Variants in COL4A2 observed in about 807,000 individuals in gnomAD.
COL4A2 encodes the protein collagen alpha-2(IV) chain.
In COL4A2, 99 loss-of-function variants were observed where a neutral mutation model predicts 200.2. The ratio of observed to expected loss-of-function variants is 0.49; its 90% CI spans 0.42 to 0.58. COL4A2 has a LOEUF of 0.58. Ranked by LOEUF, COL4A2 falls within the 20% of genes least tolerant of loss-of-function variation. The probability of loss-of-function intolerance (pLI) is 0.00; values close to 1 mark genes in which losing one functional copy is unlikely to be tolerated. For synonymous variants in COL4A2, 897 were observed against 900.6 expected (o/e 1.00, Z 0.07); for missense variants, 1,950 against 2,314.1 (o/e 0.84, Z 3.23).
intron 16 of COL4A2, among the ~76,000 whole-genome samples, chr13:110,444,796 A>G (rs1366795699): frequency 1.3e-5 from 2 of 152,252 alleles, no homozygotes; most frequent in Non-Finnish European, 2.9e-5. Flanking sequence ...ACTCAATGAT[A>G]AACTTTTTCT....
chr13:110,355,250 T>C (rs535551567), intron 3 of COL4A2, among the ~76,000 whole-genome samples: 6 of 149,290 alleles, frequency 4.0e-5, no homozygotes, highest in Admixed American at 2.6e-4. Context: ...GGTGAAAAGC[T>C]AGATTAAGAT....
In COL4A2 at chr13:110,439,577, CT is replaced by C. The variant is rs149395967; in HGVS notation, c.913-211del. ...CATAGTCATTATTTCCCATCCCCAC[CT>C]CCCCACAACTTTGTAAAGGGGAAAG... On this transcript the variant is annotated intron_variant, in intron 15 of 47. Coordinates refer to ENST00000360467, the MANE Select transcript of COL4A2 (RefSeq NM_001846.4). Among the ~76,000 whole-genome samples the C allele has an allele frequency of 7.1e-3, 1,076 of 152,302 alleles. 8 individuals are homozygous for C. Among genetic ancestry groups the C allele is most frequent in the African/African-American group, 0.022 (923 of 41,548 alleles).
In COL4A2 at chr13:110,498,578, A is replaced by G. The variant is rs550847242; in HGVS notation, c.3761-3090A>G. On this transcript the variant is annotated intron_variant, in intron 40 of 47. Coordinates refer to ENST00000360467, the MANE Select transcript of COL4A2 (RefSeq NM_001846.4). ...TTCAGGCCCTGTACTTGACCACAAA[A>G]AAGATTTAAGATTTCCATCCCCAAG... is the stretch of plus-strand genomic sequence containing the variant. Among the ~76,000 whole-genome samples the G allele has an allele frequency of 3.2e-4, 48 of 152,344 alleles. 1 individual carries two copies. The South Asian group carries it at 9.5e-3, about 30-fold the overall frequency.
intron 28 of COL4A2, 40 bp from the exon 29 acceptor site, chr13:110,472,889 G>C: frequency 6.5e-7 from 1 of 1,532,384 alleles, no homozygotes; most frequent in Non-Finnish European, 8.8e-7. Flanking sequence ...ACGTCACCAT[G>C]CTAACTTGTG....
intron 46 of COL4A2, 135 bp from the exon 47 acceptor site, chr13:110,507,800 C>A: frequency 1.2e-6 from 1 of 841,416 alleles, no homozygotes; most frequent in Non-Finnish European, 1.9e-6. Flanking sequence ...TAGCCTGGCC[C>A]TCCAGTAGGT....
At position 110,504,262 on chromosome 13, in the gene COL4A2, A is replaced by C. The variant is rs202207552; in HGVS notation, c.4400A>C (p.Glu1467Ala). The change falls in exon 45 of 48, where the codon GAA becomes GCA. Residue 1467 changes from glutamate to alanine, a missense_variant and splice_region_variant. Physicochemically the swap from Glu to Ala is moderately radical, Grantham distance 107. Around this residue, in one of 2 missense-constraint regions of COL4A2, gnomAD observed 1,385 missense variants for 1,720.5 expected, o/e 0.80. Transcript: ENST00000360467. ...GGCCACCAGGGGCCGATTGGCCAAG[A>C]AGGTGAGTGACAGTGGGGAAGGACC... ...PIGHQGPIGQ[E>A]GAPGRPGSPG... is the part of the protein sequence containing the mutation. The C allele has an allele frequency of 2.9e-4, 469 of 1,612,202 alleles. 2 individuals carry two copies. In the African/African-American group the frequency reaches 5.4e-3, roughly 19 times the overall value.
At chr13:110,352,884 C>T (rs762355397) in intron 3 of COL4A2, among the ~76,000 whole-genome samples, 19 of 152,140 alleles carry the variant, frequency 1.2e-4, no homozygotes, top group Non-Finnish European at 1.8e-4. Flanking sequence ...TTTGGCCAGC[C>T]GGGCTGAACG....
Position 110,458,722 on chromosome 13 carries a change from C to T in COL4A2, c.1433-49C>T, listed in dbSNP as rs548237875. ...CTGCCTGATACCCCTCTCCCCGCCA[C>T]GCTAAGAGGAATGCGGAACAAGGAG... On this transcript the variant is annotated intron_variant, in intron 21 of 47. Coordinates refer to ENST00000360467, the MANE Select transcript of COL4A2 (RefSeq NM_001846.4). The T allele has an allele frequency of 2.6e-4, 415 of 1,610,268 alleles. 4 individuals are homozygous for T. The South Asian group carries it at 3.4e-3, about 13-fold the overall frequency.
intron 4 of COL4A2, among the ~76,000 whole-genome samples, chr13:110,405,266 G>C (rs1332672128): frequency 6.6e-6 from 1 of 152,234 alleles, no homozygotes; most frequent in Non-Finnish European, 1.5e-5. Flanking sequence ...GGTCACCAGG[G>C]TGAATTATGG....
chr13:110,456,441 G>A, intron 20 of COL4A2: 2 of 307,714 alleles, frequency 6.5e-6, no homozygotes, highest in African/African-American at 2.2e-5. Flanking sequence ...CCAGAAGTGT[G>A]TAGCAGTCTT....
chr13:110,412,068 C>T (rs572205988), intron 4 of COL4A2, among the ~76,000 whole-genome samples: 3 of 152,232 alleles, frequency 2.0e-5, no homozygotes, highest in Admixed American at 6.5e-5. Flanking sequence ...GAAACACTCT[C>T]TTGTGGACCC....
chr13:110,398,510 G>T lies in COL4A2; in HGVS notation c.181-26224G>T, dbSNP rs112793587. 1.6e-3 allele frequency among the ~76,000 whole-genome samples: 247 copies of T among 152,182 alleles called. 1 individual carries two copies. The highest frequency in any genetic ancestry group is 5.7e-3 in the African/African-American group (235 of 41,506). On this transcript the variant is annotated intron_variant, in intron 4 of 47. Coordinates refer to ENST00000360467, the MANE Select transcript of COL4A2 (RefSeq NM_001846.4). Reference sequence around the variant, plus strand: ...CCCGACTCTACTAAAAACACAAATGGTGTTTTTAGTGTTTTGTTTTTAGTT... The same window carrying T: ...CCCGACTCTACTAAAAACACAAATGTTGTTTTTAGTGTTTTGTTTTTAGTT...
chr13:110,366,117 C>T (rs1877735381), intron 4 of COL4A2, among the ~76,000 whole-genome samples: 1 of 152,224 alleles, frequency 6.6e-6, no homozygotes, highest in Non-Finnish European at 1.5e-5. Context: ...ATTTCCCCCT[C>T]TCTGCTAGAG....
intron 4 of COL4A2, among the ~76,000 whole-genome samples, chr13:110,385,462 G>C (rs1185214338): frequency 2.0e-5 from 3 of 148,934 alleles, no homozygotes; most frequent in Non-Finnish European, 4.4e-5. Context: ...GCAGTGTGTG[G>C]ATAGGCCGTG....
chr13:110,357,349 A>C (rs1021948983), intron 3 of COL4A2, 123 bp from the exon 4 acceptor site: 8 of 1,395,216 alleles, frequency 5.7e-6, no homozygotes, highest in East Asian at 5.1e-5. Context: ...AAAAAGCCTT[A>C]TTGAATGTTT....
intron 6 of COL4A2, among the ~76,000 whole-genome samples, chr13:110,427,369 C>G (rs995065614): frequency 5.9e-5 from 9 of 152,104 alleles, no homozygotes; most frequent in East Asian, 1.9e-4. Context: ...AGGCTGGTCT[C>G]GAACTCCTGG....
In COL4A2 at chr13:110,489,463, G is replaced by A; in HGVS notation, c.3226G>A (p.Gly1076Arg). The A allele has an allele frequency of 6.2e-7, 1 of 1,614,232 alleles. No homozygotes were observed. Among genetic ancestry groups the A allele is most frequent in the Non-Finnish European group, 8.5e-7 (1 of 1,180,040 alleles). ...IGSRGDKGAP[G>R]RAGLYGEIGA... The stretch of plus-strand genomic sequence containing the variant: ...TCTTTAGGGTGACAAAGGTGCCCCA[G>A]GGAGAGCAGGCCTGTATGGCGAGAT... Residue 1076 changes from glycine (G) to arginine (R), a missense_variant, in exon 35 of 48, where the codon GGG becomes AGG. Physicochemically the swap from Gly to Arg is moderately radical, Grantham distance 125. Transcript: ENST00000360467.
intron 15 of COL4A2, among the ~76,000 whole-genome samples, chr13:110,439,192 G>A (rs1489369672): frequency 2.0e-5 from 3 of 152,156 alleles, no homozygotes; most frequent in Admixed American, 2.0e-4. Context: ...ACCACACCTA[G>A]CTGAGGGCTG....
At chr13:110,506,850 G>A (rs937225234) in intron 46 of COL4A2, among the ~76,000 whole-genome samples, 4 of 152,122 alleles carry the variant, frequency 2.6e-5, no homozygotes, top group East Asian at 3.9e-4. Context: ...ATTGACTTCC[G>A]CAGGCTCCCA....
Sources: gnomAD v4.1 joint callset for allele counts (sites outside exome capture counted in the v4.1 genomes callset) on GRCh38, gnomAD v4.1.1 for gene constraint, gnomAD v4.1.1 regional missense constraint, MANE v1.5 for transcripts, NCBI Gene and HGNC (gene_info 2026-07-23, HGNC 2026-07-21) for gene names.